PHEX: variants seen among roughly 807,000 people sequenced by gnomAD.
The protein encoded by PHEX is phosphate-regulating neutral endopeptidase PHEX.
PHEX carries 16 observed loss-of-function variants against 68.0 expected under a neutral mutation model. That is an observed-to-expected ratio of 0.24 (90% CI 0.16 to 0.36). The LOEUF (loss-of-function observed/expected upper bound fraction) is 0.36, where lower values mean the gene tolerates loss of function less well. PHEX is among the 10% of genes least tolerant of loss of function. PHEX has a pLI of 1.00. For missense variants in PHEX, 480 were observed against 575.5 expected, an observed-to-expected ratio of 0.83 and a Z score of 1.70; for synonymous variants, 208 against 205.1, an observed-to-expected ratio of 1.01 and a Z score of -0.12.
chrX:22,040,709 G>A (rs1927235394), intron 2 of PHEX, among the ~76,000 whole-genome samples: 1 of 110,905 alleles, frequency 9.0e-6, no homozygotes, highest in South Asian at 3.9e-4. Flanking sequence ...TGGACTTGAG[G>A]AACGGGAGGA....
At chrX:22,084,248 A>G (rs1929517851) in intron 5 of PHEX, among the ~76,000 whole-genome samples, 1 of 111,776 alleles carries the variant, frequency 8.9e-6, no homozygotes. Flanking sequence ...CAGCCTCCTG[A>G]GTAGCTGGTA....
chrX:22,197,398 A>T (rs5904619), intron 15 of PHEX, among the ~76,000 whole-genome samples: 33,200 of 110,297 alleles, frequency 0.3, 4,013 homozygotes, highest in Non-Finnish European at 0.38. Flanking sequence ...CTGGGTCATA[A>T]AAAACATTGT....
chrX:22,233,704 A>G (rs903030585), intron 20 of PHEX, among the ~76,000 whole-genome samples: 1 of 111,162 alleles, frequency 9.0e-6, no homozygotes, highest in Non-Finnish European at 1.9e-5. Flanking sequence ...CTAGCTAGCA[A>G]TTCATCTAAC....
intron 16 of PHEX, among the ~76,000 whole-genome samples, chrX:22,218,405 C>G (rs1247708940): frequency 9.0e-6 from 1 of 111,077 alleles, no homozygotes; most frequent in East Asian, 2.8e-4. Flanking sequence ...GTTGGTGTCC[C>G]CTTTTATAGA....
chrX:22,093,807 T>TC (rs1163815082), intron 6 of PHEX, among the ~76,000 whole-genome samples, 176 bp from the exon 7 acceptor site: 2 of 112,212 alleles, frequency 1.8e-5, no homozygotes. Context: ...ACTCTTTTTT[T>TC]CTCCCAAAGT....
intron 12 of PHEX, among the ~76,000 whole-genome samples, chrX:22,137,748 T>C (rs1328968928): frequency 8.9e-6 from 1 of 111,804 alleles, no homozygotes; most frequent in Non-Finnish European, 1.9e-5. Flanking sequence ...CTGGTGATTC[T>C]GCTGCGTGAA....
intron 8 of PHEX, 130 bp downstream of exon 8, chrX:22,097,168 A>G (rs768214136): frequency 3.9e-5 from 21 of 536,587 alleles, no homozygotes; most frequent in Non-Finnish European, 6.3e-5. Context: ...TTTGTCAACA[A>G]TCACATAAAA....
At position 22,098,795 on chromosome X, in the gene PHEX, CAAAAAAAAAAAAAA is replaced by C. The variant is rs746223770; in HGVS notation, c.934-192_934-179del. ...CCTGGGTGATAGAGCGAGAATGTCT[CAAAAAAAAAAAAAA>C]AAAAAAAAAAAAAAAAAAGACAATA... On this transcript the variant is annotated intron_variant, in intron 8 of 21. Transcript: ENST00000379374. Among the ~76,000 whole-genome samples the C allele has an allele frequency of 8.1e-3, 92 of 11,376 alleles. 1 individual carries two copies. The highest frequency in any genetic ancestry group is 0.017 in the African/African-American group (78 of 4,522). 9.9% of individuals were successfully genotyped at this position (11,376 alleles called of 115,157 possible).
chrX:22,053,938 C>T (rs1029657496), intron 3 of PHEX, among the ~76,000 whole-genome samples: 22 of 110,971 alleles, frequency 2.0e-4, no homozygotes, highest in Non-Finnish European at 4.0e-4. Flanking sequence ...ACCCCCTCCC[C>T]AAATAATCTT....
At chrX:22,226,785 C>G (rs1187727085) in intron 19 of PHEX, among the ~76,000 whole-genome samples, 1 of 111,636 alleles carries the variant, frequency 9.0e-6, no homozygotes, top group Non-Finnish European at 1.9e-5. Flanking sequence ...CATTCACCAT[C>G]AGATCGAAGC....
intron 15 of PHEX, among the ~76,000 whole-genome samples, chrX:22,198,415 G>A (rs910818993): frequency 2.7e-5 from 3 of 109,587 alleles, no homozygotes; most frequent in Non-Finnish European, 3.8e-5. Context: ...TGCAACAGAA[G>A]GGTGTGCAGT....
At chrX:22,232,505 C>G (rs144756104) in intron 20 of PHEX, among the ~76,000 whole-genome samples, 1 of 108,183 alleles carries the variant, frequency 9.2e-6, no homozygotes, top group African/African-American at 3.4e-5. Flanking sequence ...TTGCATTGAC[C>G]CCTTTACGAT....
chrX:22,239,104 C>T (rs191172440), intron 20 of PHEX, among the ~76,000 whole-genome samples: 76 of 111,823 alleles, frequency 6.8e-4, no homozygotes, highest in African/African-American at 2.2e-3. Context: ...TGGAGAGGAC[C>T]TCCAGCAAAC....
chrX:22,140,606 C>G (rs1365300248), intron 12 of PHEX, among the ~76,000 whole-genome samples: 2 of 110,624 alleles, frequency 1.8e-5, no homozygotes, highest in Non-Finnish European at 3.8e-5. Context: ...CTCAGCCTCC[C>G]GAGTAGCTGG....
intron 14 of PHEX, among the ~76,000 whole-genome samples, chrX:22,179,220 A>G (rs182205212): frequency 1.8e-3 from 178 of 100,484 alleles, no homozygotes; most frequent in Middle Eastern, 5.3e-3. Context: ...CACTTCTCCA[A>G]TGCTTTTTTT....
At chrX:22,101,721 C>G (rs1930436089) in intron 9 of PHEX, among the ~76,000 whole-genome samples, 1 of 111,331 alleles carries the variant, frequency 9.0e-6, no homozygotes. Context: ...CACTTCTACC[C>G]ATAATCCATA....
chrX:22,062,731 G>C (rs1416556313), intron 3 of PHEX, among the ~76,000 whole-genome samples: 1 of 110,777 alleles, frequency 9.0e-6, no homozygotes, highest in Non-Finnish European at 1.9e-5. Flanking sequence ...TTGATCTGGG[G>C]TGCTGCTTGG....
At chrX:22,117,895 G>A (rs767963184) in intron 11 of PHEX, among the ~76,000 whole-genome samples, 1 of 109,211 alleles carries the variant, frequency 9.2e-6, no homozygotes, top group Non-Finnish European at 1.9e-5. Flanking sequence ...GCCTTTTATA[G>A]CCTTTTTTTT....
chrX:22,069,962 A>G (rs1928822500), intron 3 of PHEX, among the ~76,000 whole-genome samples: 1 of 111,766 alleles, frequency 8.9e-6, no homozygotes, highest in Non-Finnish European at 1.9e-5. Context: ...AGGGTTTAAT[A>G]CCTTTAATAC....
Sources: allele counts gnomAD v4.1 joint callset (sites outside exome capture counted in the v4.1 genomes callset), GRCh38; gene constraint gnomAD v4.1.1; transcripts MANE v1.5; gene names NCBI Gene and HGNC (gene_info 2026-07-23, HGNC 2026-07-21).